GIGYF2: variants seen among roughly 807,000 people sequenced by gnomAD.
The protein encoded by GIGYF2 is GRB10-interacting GYF protein 2.
A neutral mutation model predicts 208.1 loss-of-function variants in GIGYF2; 25 were observed. That is an observed-to-expected ratio of 0.12 (90% CI 0.09 to 0.17). GIGYF2 has a LOEUF of 0.17. GIGYF2 is among the 10% of genes least tolerant of loss of function. The probability of loss-of-function intolerance (pLI) is 1.00; values close to 1 mark genes in which losing one functional copy is unlikely to be tolerated. For missense variants in GIGYF2, 1,302 were observed against 1,579.4 expected (o/e 0.82, Z 2.98); for synonymous variants, 534 against 543.8 (o/e 0.98, Z 0.25).
chr2:232,753,665 G>T (rs1309657699), intron 5 of GIGYF2, among the ~76,000 whole-genome samples: 1 of 152,144 alleles, frequency 6.6e-6, no homozygotes, highest in Non-Finnish European at 1.5e-5. Context: ...CGTGCTTGCA[G>T]TCACCCGTGA....
chr2:232,811,420 AT>A, intron 17 of GIGYF2, 69 bp downstream of exon 17: 1 of 926,662 alleles, frequency 1.1e-6, no homozygotes, highest in Non-Finnish European at 1.8e-6. Flanking sequence ...GAAAGGAGAA[AT>A]TCTGGTATAG....
At chr2:232,703,795 C>T (rs1310937650) in intron 2 of GIGYF2, among the ~76,000 whole-genome samples, 1 of 152,194 alleles carries the variant, frequency 6.6e-6, no homozygotes, top group Non-Finnish European at 1.5e-5. Context: ...TCATGAGGGA[C>T]ATGAACCAGA....
At position 232,732,743 on chromosome 2, in the gene GIGYF2, T is replaced by C. The variant is rs190051530; in HGVS notation, c.-43-2412T>C. ...GTAGTCTCAAGCTCCACAGCATAAG[T>C]GATCCTCCCACCTCAGCTGGGACTA... On this transcript the variant is annotated intron_variant, in intron 2 of 28. Transcript: ENST00000373563. Among the ~76,000 whole-genome samples the C allele has an allele frequency of 6.2e-4, 94 of 151,900 alleles. 1 individual carries two copies. Among genetic ancestry groups the C allele is most frequent in the African/African-American group, 2.0e-3 (84 of 41,448 alleles).
At chr2:232,759,452 G>C (rs546593396) in intron 6 of GIGYF2, among the ~76,000 whole-genome samples, 18 of 151,456 alleles carry the variant, frequency 1.2e-4, no homozygotes, top group Non-Finnish European at 1.9e-4. Flanking sequence ...AAGTGCATAC[G>C]GTCTTCTGCC....
intron 21 of GIGYF2, among the ~76,000 whole-genome samples, chr2:232,821,939 ATTTTTTTT>A (rs34551222): frequency 7.3e-6 from 1 of 137,312 alleles, no homozygotes; most frequent in Non-Finnish European, 1.6e-5. Context: ...TTGTATAAAT[ATTTTTTTT>A]TTTTTTTTTA....
Position 232,732,970 on chromosome 2 carries a change from G to A in GIGYF2, c.-43-2185G>A, listed in dbSNP as rs181574308. ...AATCACTAGTTGTTTTAAGAGATGAGGAGGGGCGGGGCGCAGTGGCTCACG... is the reference window on the plus strand; with the variant it reads ...AATCACTAGTTGTTTTAAGAGATGAAGAGGGGCGGGGCGCAGTGGCTCACG... On this transcript the variant is annotated intron_variant, in intron 2 of 28. Coordinates refer to ENST00000373563, the MANE Select transcript of GIGYF2 (RefSeq NM_001103146.3). Among the ~76,000 whole-genome samples, 462 of 152,182 alleles carry A rather than the reference G, an allele frequency of 3.0e-3. 1 individual carries two copies. Among genetic ancestry groups the A allele is most frequent in the African/African-American group, 0.011 (447 of 41,546 alleles).
chr2:232,792,999 T>A (rs1401809349), intron 12 of GIGYF2, among the ~76,000 whole-genome samples: 1 of 152,188 alleles, frequency 6.6e-6, no homozygotes, highest in Non-Finnish European at 1.5e-5. Context: ...ACTCTTGGGA[T>A]GCTTCAGGAA....
intron 2 of GIGYF2, among the ~76,000 whole-genome samples, chr2:232,714,063 C>T (rs948596756): frequency 2.0e-5 from 3 of 152,020 alleles, no homozygotes; most frequent in African/African-American, 7.3e-5. Context: ...CATTCTCCTG[C>T]CTCAGCCTCC....
chr2:232,805,099 A>G (rs1213405311), intron 14 of GIGYF2, among the ~76,000 whole-genome samples: 7 of 151,684 alleles, frequency 4.6e-5, no homozygotes, highest in African/African-American at 1.5e-4. Flanking sequence ...ATATGATTTT[A>G]ATTTTTAAAA....
chr2:232,827,524 TCAATGG>T (rs1268140009), intron 21 of GIGYF2, among the ~76,000 whole-genome samples: 1 of 152,232 alleles, frequency 6.6e-6, no homozygotes, highest in Non-Finnish European at 1.5e-5. Flanking sequence ...GCTGTCAAAT[TCAATGG>T]CACAATTTTA....
At chr2:232,761,528 C>T in intron 8 of GIGYF2, 92 bp downstream of exon 8, 2 of 762,342 alleles carry the variant, frequency 2.6e-6, no homozygotes, top group Non-Finnish European at 4.7e-6. Context: ...GCAGCATTTC[C>T]TGCATTTAAA....
chr2:232,829,901 G>A (rs1467640948), intron 21 of GIGYF2, among the ~76,000 whole-genome samples: 2 of 152,220 alleles, frequency 1.3e-5, no homozygotes, highest in Non-Finnish European at 2.9e-5. Flanking sequence ...ACAGTAGACA[G>A]TTGGCAGGCA....
At chr2:232,734,048 TTTAAC>T (rs1349319576) in intron 2 of GIGYF2, among the ~76,000 whole-genome samples, 1 of 151,670 alleles carries the variant, frequency 6.6e-6, no homozygotes, top group Non-Finnish European at 1.5e-5. Flanking sequence ...AGTTTATTAT[TTTAAC>T]TTGACAATCT....
chr2:232,830,905 G>T (rs944455437), intron 21 of GIGYF2, among the ~76,000 whole-genome samples: 1 of 152,186 alleles, frequency 6.6e-6, no homozygotes, highest in Non-Finnish European at 1.5e-5. Context: ...TCTTGGCTAT[G>T]ACAGTTTCTT....
At chr2:232,802,944 G>T (rs923600932) in intron 14 of GIGYF2, among the ~76,000 whole-genome samples, 51 of 150,862 alleles carry the variant, frequency 3.4e-4, no homozygotes, top group Non-Finnish European at 4.1e-4. Context: ...CTGTCGGCCA[G>T]GCTGGAGTGC....
chr2:232,789,740 G>T (rs1253068070), intron 9 of GIGYF2, among the ~76,000 whole-genome samples: 1 of 152,116 alleles, frequency 6.6e-6, no homozygotes, highest in South Asian at 2.1e-4. Flanking sequence ...AGAGAAAGCA[G>T]TCAAGGATGG....
chr2:232,716,087 A>G (rs1559378688), intron 2 of GIGYF2, among the ~76,000 whole-genome samples: 2 of 152,170 alleles, frequency 1.3e-5, no homozygotes, highest in Non-Finnish European at 2.9e-5. Flanking sequence ...ATGTATAACT[A>G]TACTGTGTGC....
chr2:232,712,610 A>G (rs1276760447), intron 2 of GIGYF2, among the ~76,000 whole-genome samples: 1 of 152,182 alleles, frequency 6.6e-6, no homozygotes, highest in Non-Finnish European at 1.5e-5. Context: ...AAAAATGCAA[A>G]TAATATTTTG....
chr2:232,840,021 C>T, intron 23 of GIGYF2, 50 bp downstream of exon 23: 1 of 1,576,528 alleles, frequency 6.3e-7, no homozygotes, highest in African/African-American at 1.3e-5. Context: ...TCCAGAATAT[C>T]TAGCATGCAT....
Sources: gnomAD v4.1 joint callset for allele counts (sites outside exome capture counted in the v4.1 genomes callset) on GRCh38, gnomAD v4.1.1 for gene constraint, MANE v1.5 for transcripts, NCBI Gene and HGNC (gene_info 2026-07-23, HGNC 2026-07-21) for gene names.